DMRT1: variants seen among roughly 807,000 people sequenced by gnomAD.
DMRT1 encodes the protein doublesex- and mab-3-related transcription factor 1.
DMRT1 carries 7 observed loss-of-function variants against 32.3 expected under a neutral mutation model. The observed-to-expected ratio is 0.22, with a 90% CI of 0.12 to 0.41. DMRT1 has a LOEUF of 0.41. Ranked by LOEUF, DMRT1 falls within the 10% of genes least tolerant of loss-of-function variation. The pLI is 1.00. For missense variants in DMRT1, 625 were observed against 500.5 expected, an observed-to-expected ratio of 1.25 and a Z score of -2.37; for synonymous variants, 278 against 206.1, an observed-to-expected ratio of 1.35 and a Z score of -2.99.
chr9:871,937 C>G (rs1816285955), intron 2 of DMRT1, among the ~76,000 whole-genome samples: 1 of 151,244 alleles, frequency 6.6e-6, no homozygotes, highest in South Asian at 2.1e-4. Flanking sequence ...GTTATATTTT[C>G]TTCATCTCTC....
chr9:908,605 A>G (rs1817863276), intron 3 of DMRT1, among the ~76,000 whole-genome samples: 1 of 151,540 alleles, frequency 6.6e-6, no homozygotes, highest in Admixed American at 6.6e-5. Context: ...TTTATGGTTC[A>G]CCTTAGGGCT....
intron 3 of DMRT1, among the ~76,000 whole-genome samples, chr9:902,454 T>A (rs998909906): frequency 9.9e-5 from 15 of 151,458 alleles, no homozygotes; most frequent in Non-Finnish European, 2.2e-4. Context: ...CATTTGTGCT[T>A]ACCTCTTGAC....
intron 2 of DMRT1, among the ~76,000 whole-genome samples, chr9:849,545 G>A (rs1413594356): frequency 1.3e-5 from 2 of 152,176 alleles, no homozygotes. Flanking sequence ...AGTTCAGAAC[G>A]ACTCTCACAA....
At chr9:858,828 C>T (rs369881258) in intron 2 of DMRT1, among the ~76,000 whole-genome samples, 15 of 144,772 alleles carry the variant, frequency 1.0e-4, no homozygotes, top group Admixed American at 7.2e-4. Flanking sequence ...GAGCTGAGAT[C>T]GCGCCATTGC....
chr9:873,326 A>T (rs1347917819), intron 2 of DMRT1, among the ~76,000 whole-genome samples: 8 of 146,770 alleles, frequency 5.5e-5, no homozygotes, highest in African/African-American at 2.0e-4. Context: ...TTTTTTTGAG[A>T]TGGAGTTTTG....
chr9:871,499 ATTTTTTTTT>A (rs56390211), intron 2 of DMRT1, among the ~76,000 whole-genome samples: 2,254 of 114,992 alleles, frequency 0.02, 99 homozygotes, highest in African/African-American at 0.071. Context: ...CGCCCGGCTA[ATTTTTTTTT>A]TTTTTTTTTT....
At chr9:861,582 C>G (rs1815675452) in intron 2 of DMRT1, among the ~76,000 whole-genome samples, 2 of 132,640 alleles carry the variant, frequency 1.5e-5, no homozygotes, top group South Asian at 2.4e-4. Flanking sequence ...TTGGGTACAC[C>G]TCCCAGACGG....
chr9:958,022 A>G (rs1025812506), intron 4 of DMRT1, among the ~76,000 whole-genome samples: 21 of 152,202 alleles, frequency 1.4e-4, no homozygotes, highest in African/African-American at 4.1e-4. Context: ...AAAAAGAAGA[A>G]AAAGATGAAA....
At chr9:949,182 G>C (rs1391229075) in intron 4 of DMRT1, among the ~76,000 whole-genome samples, 1 of 151,964 alleles carries the variant, frequency 6.6e-6, no homozygotes, top group Non-Finnish European at 1.5e-5. Context: ...AGATCAGCCT[G>C]GGCAACAAAG....
chr9:864,138 A>T (rs114925830), intron 2 of DMRT1, among the ~76,000 whole-genome samples: 3,223 of 152,202 alleles, frequency 0.021, 115 homozygotes, highest in African/African-American at 0.074. Context: ...CTTCAGTCCA[A>T]ATGAAAATGG....
At chr9:957,403 T>C (rs1392636109) in intron 4 of DMRT1, among the ~76,000 whole-genome samples, 4 of 152,208 alleles carry the variant, frequency 2.6e-5, no homozygotes, top group African/African-American at 4.8e-5. Context: ...ATTTTAGCAA[T>C]TGGAGTCTTA....
chr9:965,743 T>C lies in DMRT1; in HGVS notation c.968-2242T>C, dbSNP rs1396156842. ...TTGCCTCCTTAAACTCACACAGGGA[T>C]TGGGAAGGTTCAGCTGCCAGTTCTG... On this transcript the variant is annotated intron_variant, in intron 4 of 4. Transcript: ENST00000382276. The surrounding 1 kb of genome is among the most constrained non-coding windows in gnomAD (Gnocchi z 4.5). 2.0e-5 allele frequency among the ~76,000 whole-genome samples: 3 copies of C among 152,142 alleles called. No individual in the cohort carries two copies. The highest frequency in any genetic ancestry group is 4.4e-5 in the Non-Finnish European group (3 of 68,020).
chr9:919,353 C>G (rs145330569), intron 4 of DMRT1, among the ~76,000 whole-genome samples: 25 of 139,728 alleles, frequency 1.8e-4, no homozygotes, highest in African/African-American at 6.5e-4. Context: ...AAAATGAACC[C>G]AAGTTCAGTG....
At chr9:878,982 T>G (rs1816623044) in intron 2 of DMRT1, among the ~76,000 whole-genome samples, 1 of 152,188 alleles carries the variant, frequency 6.6e-6, no homozygotes, top group Non-Finnish European at 1.5e-5. Flanking sequence ...TGCCTGGCCA[T>G]ATTGTGTCAT....
chr9:935,311 C>T lies in DMRT1; in HGVS notation c.967+18404C>T, dbSNP rs551570631. On this transcript the variant is annotated intron_variant, in intron 4 of 4. Coordinates refer to ENST00000382276, the MANE Select transcript of DMRT1 (RefSeq NM_021951.3). ...TCAGAGCTAACAGCAGATTGGCAAA[C>T]GAGGGGGGCAGATGGATAATGCCTG... Among the ~76,000 whole-genome samples, 42 of 152,250 alleles carry T rather than the reference C, an allele frequency of 2.8e-4. 1 individual carries two copies. Among genetic ancestry groups the T allele is most frequent in the Non-Finnish European group, 4.9e-4 (33 of 68,024 alleles).
intron 3 of DMRT1, among the ~76,000 whole-genome samples, chr9:895,424 A>C (rs1296279722): frequency 1.3e-5 from 2 of 152,196 alleles, no homozygotes; most frequent in East Asian, 3.9e-4. Flanking sequence ...TTCTGGATGC[A>C]TTTGCCATGC....
Position 878,724 on chromosome 9 carries a change from T to A in DMRT1, c.539-15188T>A, listed in dbSNP as rs138520852. Among the ~76,000 whole-genome samples, 227 of 152,234 alleles carry A rather than the reference T, an allele frequency of 1.5e-3. 1 individual carries two copies. Among genetic ancestry groups the A allele is most frequent in the East Asian group, 9.7e-4 (5 of 5,174 alleles). ...TCTCTTGCTTGATGGCAGAAAACGT[T>A]ATGGCCGTGTTGTGATTGTGATAAC... On this transcript the variant is annotated intron_variant, in intron 2 of 4. Coordinates refer to ENST00000382276, the MANE Select transcript of DMRT1 (RefSeq NM_021951.3).
chr9:904,612 G>A (rs1439525672), intron 3 of DMRT1, among the ~76,000 whole-genome samples: 1 of 152,198 alleles, frequency 6.6e-6, no homozygotes, highest in Non-Finnish European at 1.5e-5. Flanking sequence ...AGACTCTCAA[G>A]TACTGGCTCA....
At position 968,987 on chromosome 9, in the gene DMRT1, T is replaced by C. The variant is rs911835408; in HGVS notation, c.*848T>C. ...TGTTAAAAATTGCTATGGAGTACTTTGTTATATAACAGAAGCCATCCTGAA... is the reference window on the plus strand; with the variant it reads ...TGTTAAAAATTGCTATGGAGTACTTCGTTATATAACAGAAGCCATCCTGAA... On this transcript the variant is annotated 3_prime_UTR_variant, in exon 5 of 5. Coordinates refer to ENST00000382276, the MANE Select transcript of DMRT1 (RefSeq NM_021951.3). The C allele has an allele frequency of 9.8e-5, 15 of 152,800 alleles. No homozygotes were observed. The highest frequency in any genetic ancestry group is 3.4e-3 in the Middle Eastern group (1 of 294). The allele number at this position is 152,800 out of a possible 1,614,324, so 9.5% of individuals were successfully genotyped here.
Sources: gnomAD v4.1 joint callset for allele counts (sites outside exome capture counted in the v4.1 genomes callset) on GRCh38, gnomAD v4.1.1 for gene constraint, Gnocchi (gnomAD v3.1) non-coding constraint, MANE v1.5 for transcripts, NCBI Gene and HGNC (gene_info 2026-07-23, HGNC 2026-07-21) for gene names.